The following PPFIBP1 variants were observed in gnomAD, a reference collection of about 807,000 sequenced individuals.
PPFIBP1 encodes the protein PPFIB scaffold protein 1.
In PPFIBP1, 112 loss-of-function variants were observed where a neutral mutation model predicts 137.8. The ratio of observed to expected loss-of-function variants is 0.81; its 90% confidence interval spans 0.70 to 0.95. PPFIBP1 has a LOEUF of 0.95. Ranked by LOEUF, PPFIBP1 falls within the 40% of genes least tolerant of loss-of-function variation. PPFIBP1 has a pLI of 0.00. For synonymous variants in PPFIBP1, 378 were observed against 417.3 expected (o/e 0.91, Z 1.15); for missense variants, 1,083 against 1,196.6 (o/e 0.91, Z 1.40).
intron 7 of PPFIBP1, among the ~76,000 whole-genome samples, chr12:27,653,529 G>A (rs1466847681): frequency 1.3e-5 from 2 of 151,410 alleles, no homozygotes; most frequent in Non-Finnish European, 2.9e-5. Flanking sequence ...GAAGGTCGCG[G>A]TGAGCTGAGA....
At chr12:27,570,016 C>A (rs995431029) in intron 1 of PPFIBP1, among the ~76,000 whole-genome samples, 2 of 151,986 alleles carry the variant, frequency 1.3e-5, no homozygotes, top group African/African-American at 4.8e-5. Flanking sequence ...CAGATATTTC[C>A]AATTAGTTAT....
At chr12:27,587,240 C>T (rs1341952842) in intron 2 of PPFIBP1, among the ~76,000 whole-genome samples, 7 of 152,084 alleles carry the variant, frequency 4.6e-5, no homozygotes, top group Non-Finnish European at 8.8e-5. Context: ...AAGAATTGTC[C>T]AGTTTACATC....
chr12:27,679,973 A>G lies in PPFIBP1; in HGVS notation c.1807A>G (p.Met603Val), dbSNP rs1375543311. 10 of 1,614,004 alleles carry G rather than the reference A, an allele frequency of 6.2e-6. No individual in the cohort carries two copies. The Admixed American group carries it at 1.2e-4, about 19-fold the overall frequency. ...ATCAACTACATTCAACCCAGATGAC[A>G]TGTCTGAGCCTGAATTCAAAAGAGG... is the stretch of plus-strand genomic sequence containing the variant. ...SQSTTFNPDD[M>V]SEPEFKRGGT... is the part of the protein sequence containing the mutation. Residue 603 changes from methionine (M) to valine (V), a missense_variant, in exon 21 of 30, where the codon ATG (methionine) becomes GTG (valine). Met to Val is a conservative substitution (Grantham distance 21, BLOSUM62 1). Transcript: ENST00000228425.
At chr12:27,539,967 ATGTC>A (rs1410678444) in intron 1 of PPFIBP1, among the ~76,000 whole-genome samples, 6 of 152,096 alleles carry the variant, frequency 3.9e-5, no homozygotes, top group African/African-American at 1.4e-4. Context: ...CACTACTAAA[ATGTC>A]TGTAAATATT....
In PPFIBP1 at chr12:27,655,221, T is replaced by C. The variant is rs1221217291; in HGVS notation, c.696+407T>C. 3.3e-6 allele frequency: 5 copies of C among 1,530,066 alleles called. No homozygotes were observed. The African/African-American group carries it at 5.5e-5, about 17-fold the overall frequency. The allele number at this position is 1,530,066 out of a possible 1,614,324, so 94.8% of individuals were successfully genotyped here. A position where few individuals can be genotyped will look rare whatever the true frequency, so the allele number is the denominator to read the frequency against. On this transcript the variant is annotated intron_variant, in intron 8 of 29. Coordinates refer to ENST00000228425, the MANE Select transcript of PPFIBP1 (RefSeq NM_003622.4). ...TGAAAAGCAGCGGATGGAACAAAAA[T>C]GGGAGTCACTGAAGGTGTAGTAGAC...
chr12:27,612,263 A>C (rs1457755565), intron 2 of PPFIBP1, among the ~76,000 whole-genome samples: 1 of 149,720 alleles, frequency 6.7e-6, no homozygotes, highest in African/African-American at 2.5e-5. Context: ...GTATCTGCCA[A>C]GCCTCTCTCT....
intron 5 of PPFIBP1, among the ~76,000 whole-genome samples, chr12:27,646,481 C>T (rs1381387223): frequency 2.0e-5 from 3 of 150,042 alleles, no homozygotes; most frequent in East Asian, 3.9e-4. Context: ...TAGGCTCAAG[C>T]AACCCTCCTA....
At chr12:27,648,242 A>G (rs2058662876) in intron 6 of PPFIBP1, among the ~76,000 whole-genome samples, 1 of 152,226 alleles carries the variant, frequency 6.6e-6, no homozygotes, top group Non-Finnish European at 1.5e-5. Flanking sequence ...CAGACATATG[A>G]AAAGGTGCTC....
At chr12:27,561,088 T>C (rs913353445) in intron 1 of PPFIBP1, among the ~76,000 whole-genome samples, 8 of 152,270 alleles carry the variant, frequency 5.3e-5, no homozygotes, top group African/African-American at 1.9e-4. Context: ...CAGAGACATG[T>C]ATACCTAACA....
chr12:27,648,916 A>G (rs1207658263), intron 6 of PPFIBP1, among the ~76,000 whole-genome samples: 1 of 152,160 alleles, frequency 6.6e-6, no homozygotes, highest in African/African-American at 2.4e-5. Context: ...GTTTCCATGA[A>G]TAAGGCCTAG....
intron 1 of PPFIBP1, among the ~76,000 whole-genome samples, chr12:27,563,768 T>TG (rs2049385309): frequency 6.6e-6 from 1 of 152,170 alleles, no homozygotes; most frequent in Non-Finnish European, 1.5e-5. Context: ...AATATGTCAT[T>TG]GTGCATATGT....
chr12:27,680,139 T>G, intron 21 of PPFIBP1, 78 bp downstream of exon 21: 2 of 1,539,732 alleles, frequency 1.3e-6, no homozygotes, highest in South Asian at 2.4e-5. Flanking sequence ...ATTAGTACTG[T>G]CATTGGGTTA....
At chr12:27,562,949 A>C (rs2049281415) in intron 1 of PPFIBP1, among the ~76,000 whole-genome samples, 1 of 152,010 alleles carries the variant, frequency 6.6e-6, no homozygotes, top group South Asian at 2.1e-4. Flanking sequence ...TCAGAATATA[A>C]ATGGATATTG....
At chr12:27,577,769 C>T (rs1280386727) in intron 1 of PPFIBP1, among the ~76,000 whole-genome samples, 3 of 151,984 alleles carry the variant, frequency 2.0e-5, no homozygotes, top group East Asian at 3.8e-4. Context: ...TTTACCTTAA[C>T]GACAAAATAT....
chr12:27,660,643 A>C (rs2059487759), intron 10 of PPFIBP1, among the ~76,000 whole-genome samples: 1 of 152,236 alleles, frequency 6.6e-6, no homozygotes, highest in Non-Finnish European at 1.5e-5. Flanking sequence ...GAGGATAGCT[A>C]GTTCTCACAC....
chr12:27,666,629 G>T (rs4931235), intron 12 of PPFIBP1, among the ~76,000 whole-genome samples: 3 of 152,130 alleles, frequency 2.0e-5, no homozygotes, highest in Non-Finnish European at 4.4e-5. Flanking sequence ...TCCATCAGAC[G>T]TTTTTTGCTT....
chr12:27,544,164 G>A (rs1945975516), intron 1 of PPFIBP1, among the ~76,000 whole-genome samples: 1 of 152,216 alleles, frequency 6.6e-6, no homozygotes, highest in East Asian at 1.9e-4. Context: ...TTATAGGCAT[G>A]AGCCATCATG....
Position 27,635,124 on chromosome 12 carries a change from T to C in PPFIBP1, c.270+9T>C, listed in dbSNP as rs2057557095. On this transcript the variant is annotated intron_variant, in intron 4 of 29. Coordinates refer to ENST00000228425, the MANE Select transcript of PPFIBP1 (RefSeq NM_003622.4). The stretch of plus-strand genomic sequence containing the variant: ...GGCTTCAGAGTCAAATGGTAGGGTC[T>C]GCCTGTTCCAAATTCTGTTATAAAT... The C allele has an allele frequency of 6.2e-7, 1 of 1,613,792 alleles. No homozygotes were observed.
chr12:27,567,488 A>G (rs1011621057), intron 1 of PPFIBP1, among the ~76,000 whole-genome samples: 2 of 152,230 alleles, frequency 1.3e-5, no homozygotes, highest in Non-Finnish European at 1.5e-5. Context: ...CCTTTTAGAC[A>G]TATGTACTAA....
Sources: gnomAD v4.1 joint callset for allele counts (sites outside exome capture counted in the v4.1 genomes callset) on GRCh38, gnomAD v4.1.1 for gene constraint, MANE v1.5 for transcripts, NCBI Gene and HGNC (gene_info 2026-07-23, HGNC 2026-07-21) for gene names.